The following LRRC71 variants were observed in gnomAD, a reference collection of about 807,000 sequenced individuals.
The protein encoded by LRRC71 is leucine rich repeat containing 71.
In LRRC71, 54 loss-of-function variants were observed where a neutral mutation model predicts 66.6. The ratio of observed to expected loss-of-function variants is 0.81; its 90% CI spans 0.65 to 1.02. The LOEUF (loss-of-function observed/expected upper bound fraction) is 1.02. Among genes scored for constraint, LRRC71 ranks in the 50% least tolerant of loss-of-function variants. The pLI, the probability that LRRC71 is intolerant of heterozygous loss-of-function variation, is 0.00. For missense variants in LRRC71, 724 were observed against 718.0 expected, an observed-to-expected ratio of 1.01 and a Z score of -0.10; for synonymous variants, 323 against 303.9, an observed-to-expected ratio of 1.06 and a Z score of -0.65.
At chr1:156,935,994 G>GTACGGT, downstream of LRRC71, 1 of 1,612,276 alleles carries the variant, frequency 6.2e-7, no homozygotes. Flanking sequence ...TTGGTGGTTT[G>GTACGGT]TACGGTTATG....
At chr1:156,936,495 A>ATATATATATATAT (rs1330599702), downstream of LRRC71, among the ~76,000 whole-genome samples, 22 of 57,082 alleles carry the variant, frequency 3.9e-4, no homozygotes, top group South Asian at 8.7e-4. Flanking sequence ...AAAAAAAAAA[A>ATATATATATATAT]AAATATATAT....
Position 156,930,529 on chromosome 1 carries a change from AG to A in LRRC71, c.1243del (p.Val415Ter). 3 of 1,559,628 alleles carry A rather than the reference AG, an allele frequency of 1.9e-6. No homozygotes were observed. Among genetic ancestry groups the A allele is most frequent in the Non-Finnish European group, 2.6e-6 (3 of 1,151,644 alleles). Reference sequence around the variant, plus strand: ...ATTCTGGCTCCTCTTCTGGCCCCAGAGGTAACCATCCCTGAACAGAAGCCAA... The same window carrying A: ...ATTCTGGCTCCTCTTCTGGCCCCAGAGTAACCATCCCTGAACAGAAGCCAA... ...KEDATKAGKG[K>X]VTIPEQKPSR... is the part of the protein sequence containing the mutation. On this transcript the variant is annotated frameshift_variant and splice_region_variant, in exon 12 of 15. Coordinates refer to ENST00000337428, the MANE Select transcript of LRRC71 (RefSeq NM_144702.3). LOFTEE classifies it high-confidence loss of function.
intron 2 of LRRC71, 40 bp from the exon 3 acceptor site, chr1:156,924,384 G>A (rs1652870624): frequency 2.6e-6 from 4 of 1,538,584 alleles, no homozygotes; most frequent in Admixed American, 3.9e-5. Flanking sequence ...TGGGGCCCTG[G>A]AGGTGGCTGT....
chr1:156,924,118 C>G lies in LRRC71; in HGVS notation c.310+20C>G. On this transcript the variant is annotated intron_variant, in intron 2 of 14. Coordinates refer to ENST00000337428, the MANE Select transcript of LRRC71 (RefSeq NM_144702.3). ...CCTTAGGTGAGTGACAGTGGAGCTC[C>G]CCGGTGCCTGCCAGGGCCGCCTAGT... The G allele has an allele frequency of 1.3e-6, 2 of 1,548,926 alleles. No individual in the cohort carries two copies. Among genetic ancestry groups the G allele is most frequent in the Non-Finnish European group, 1.7e-6 (2 of 1,146,616 alleles).
chr1:156,937,557 C>T (rs574203652), downstream of LRRC71: 54 of 1,486,674 alleles, frequency 3.6e-5, no homozygotes, highest in African/African-American at 2.0e-4. Context: ...GCTATCCTCC[C>T]GTTCCTGTGG....
downstream of LRRC71, chr1:156,936,935 A>G: frequency 6.2e-7 from 1 of 1,613,968 alleles, no homozygotes; most frequent in African/African-American, 1.3e-5. Context: ...GAAACTGCCC[A>G]CAGGCGTGGT....
rs1329730592 is a variant in LRRC71 at position 156,924,976 on chromosome 1, C to T, written c.554C>T (p.Thr185Ile). 1 of 1,551,682 alleles carries T rather than the reference C, an allele frequency of 6.4e-7. No homozygotes were observed. Among genetic ancestry groups the T allele is most frequent in the Non-Finnish European group, 8.7e-7 (1 of 1,146,996 alleles). The change falls in exon 5 of 15, where the codon ACC (threonine) becomes ATC (isoleucine). Residue 185 changes from threonine to isoleucine, a missense_variant. Coordinates refer to ENST00000337428, the MANE Select transcript of LRRC71 (RefSeq NM_144702.3). The stretch of plus-strand genomic sequence containing the variant: ...GGGCTGACCGATAAGACCCTGACCA[C>T]CTTCATCGAGCTCCTGCCTCTCTGT... ...KVGLTDKTLT[T>I]FIELLPLCSS...
At chr1:156,940,885 T>C in the LRRC71 span, among the ~76,000 whole-genome samples, 1 of 152,168 alleles carries the variant, frequency 6.6e-6, no homozygotes, top group South Asian at 2.1e-4. Flanking sequence ...AAACCCGAGA[T>C]TTCTCCTGAA....
At chr1:156,939,457 G>A in the LRRC71 span, 4 of 1,565,542 alleles carry the variant, frequency 2.6e-6, no homozygotes, top group Non-Finnish European at 3.5e-6. Context: ...GGTACCCAGG[G>A]GGAGTATAGG....
intron 9 of LRRC71, 122 bp from the exon 10 acceptor site, chr1:156,929,157 AG>A (rs1653881505): frequency 8.9e-7 from 1 of 1,119,056 alleles, no homozygotes; most frequent in South Asian, 1.6e-5. Context: ...TTAGGCAGGG[AG>A]GTGGGTGGGA....
rs747723252 is a variant in LRRC71 at position 156,929,635 on chromosome 1, G to A, written c.1147-1G>A. The stretch of plus-strand genomic sequence containing the variant: ...CCCCTCTCTTCTCACATTCTCCACA[G>A]GAATTGGCCAAGAAAGAGGAGAAGT... On this transcript the variant is annotated splice_acceptor_variant, in intron 10 of 14. Coordinates refer to ENST00000337428, the MANE Select transcript of LRRC71 (RefSeq NM_144702.3). LOFTEE classifies it high-confidence loss of function. The A allele has an allele frequency of 2.5e-6, 4 of 1,581,728 alleles. No individual in the cohort carries two copies. Among genetic ancestry groups the A allele is most frequent in the East Asian group, 2.3e-5 (1 of 42,986 alleles).
intron 5 of LRRC71, 77 bp downstream of exon 5, chr1:156,925,092 G>A (rs1211046974): frequency 8.0e-6 from 11 of 1,380,926 alleles, no homozygotes; most frequent in Non-Finnish European, 1.1e-5. Context: ...TGTGGGGATG[G>A]AAGTGGCAGG....
chr1:156,931,698 G>C (rs1185511932), intron 12 of LRRC71, among the ~76,000 whole-genome samples: 2 of 152,124 alleles, frequency 1.3e-5, no homozygotes, highest in African/African-American at 2.4e-5. Flanking sequence ...GCCTCTGTCA[G>C]CGCTCACTCC....
chr1:156,931,852 T>C (rs1220387143), intron 12 of LRRC71, 64 bp from the exon 13 acceptor site: 3 of 1,252,188 alleles, frequency 2.4e-6, no homozygotes, highest in Non-Finnish European at 3.4e-6. Flanking sequence ...AATGAATGAA[T>C]GAATGAATGG....
In LRRC71 at chr1:156,927,714, G is replaced by A. The variant is rs758354728; in HGVS notation, c.823-19G>A. The A allele has an allele frequency of 1.9e-6, 3 of 1,606,522 alleles. No individual in the cohort carries two copies. The highest frequency in any genetic ancestry group is 2.7e-5 in the African/African-American group (2 of 74,868). ...CAGGGGCGGCTTGGGCGGCTCACGC[G>A]TCCCTGCCCGCCTCTTAGGGCCTCC... On this transcript the variant is annotated intron_variant, in intron 7 of 14. Coordinates refer to ENST00000337428, the MANE Select transcript of LRRC71 (RefSeq NM_144702.3).
At chr1:156,930,046 C>A in intron 11 of LRRC71, among the ~76,000 whole-genome samples, 1 of 125,270 alleles carries the variant, frequency 8.0e-6, no homozygotes, top group Admixed American at 7.9e-5. Flanking sequence ...CTTTCTTTCT[C>A]TTTCTTTCTT....
At chr1:156,930,058 CT>C (rs376042832) in intron 11 of LRRC71, among the ~76,000 whole-genome samples, 1 of 101,556 alleles carries the variant, frequency 9.8e-6, no homozygotes, top group African/African-American at 4.0e-5. Flanking sequence ...TTCTTTCTTT[CT>C]TTTTCTTTCT....
rs992435816 is a variant in LRRC71, at chr1:156,924,661, G to A, written c.458G>A (p.Arg153Gln). The A allele has an allele frequency of 2.6e-6, 4 of 1,549,364 alleles. No individual in the cohort carries two copies. Among genetic ancestry groups the A allele is most frequent in the African/African-American group, 1.4e-5 (1 of 72,984 alleles). ...IYIRGWKVEE[R>Q]ILGVFSKCLP... ...CCCGCAGGTTGGAAGGTTGAGGAAC[G>A]GATTCTGGGTGTCTTCTCTAAATGT... The change falls in exon 4 of 15, where the codon CGG becomes CAG. Residue 153 changes from arginine (R) to glutamine (Q), a missense_variant. Physicochemically the swap from Arg to Gln is conservative, Grantham distance 43 (BLOSUM62 1). Coordinates refer to ENST00000337428, the MANE Select transcript of LRRC71 (RefSeq NM_144702.3).
At chr1:156,936,896 C>G, downstream of LRRC71, 1 of 1,614,130 alleles carries the variant, frequency 6.2e-7, no homozygotes, top group Non-Finnish European at 8.5e-7. Flanking sequence ...TGAGAGGGAG[C>G]CATCTGTCCA....
Sources: allele counts gnomAD v4.1 joint callset (sites outside exome capture counted in the v4.1 genomes callset), GRCh38; gene constraint gnomAD v4.1.1; transcripts MANE v1.5; gene names NCBI Gene and HGNC (gene_info 2026-07-23, HGNC 2026-07-21).